Variants in CDK14 observed in about 807,000 individuals in gnomAD.
The protein encoded by CDK14 is cyclin-dependent kinase 14.
A neutral mutation model predicts 60.7 loss-of-function variants in CDK14; 34 were observed. The ratio of observed to expected loss-of-function variants is 0.56; its 90% CI spans 0.43 to 0.75. CDK14 has a LOEUF of 0.75. Ranked by LOEUF, CDK14 falls within the 30% of genes least tolerant of loss-of-function variation. The pLI, the probability that CDK14 is intolerant of heterozygous loss-of-function variation, is 0.00. For missense variants in CDK14, 482 were observed against 564.1 expected (o/e 0.85, Z 1.47); for synonymous variants, 197 against 203.7 (o/e 0.97, Z 0.28).
intron 3 of CDK14, among the ~76,000 whole-genome samples, chr7:90,733,072 T>C (rs1335896780): frequency 6.6e-6 from 1 of 152,222 alleles, no homozygotes; most frequent in African/African-American, 2.4e-5. Flanking sequence ...AGAACATCTT[T>C]ATTTCTGCCT....
intron 11 of CDK14, among the ~76,000 whole-genome samples, chr7:91,058,704 A>G (rs1797670576): frequency 2.0e-5 from 3 of 152,194 alleles, no homozygotes; most frequent in African/African-American, 7.2e-5. Context: ...GCTGGATTAC[A>G]TTTATTGATT....
intron 10 of CDK14, among the ~76,000 whole-genome samples, chr7:91,001,759 A>G (rs1584217899): frequency 6.6e-6 from 1 of 152,188 alleles, no homozygotes; most frequent in African/African-American, 2.4e-5. Context: ...TGAGCCTAGC[A>G]CCCTGTGTGC....
intron 2 of CDK14, among the ~76,000 whole-genome samples, chr7:90,681,893 CA>C (rs907339819): frequency 6.6e-6 from 1 of 152,128 alleles, no homozygotes; most frequent in African/African-American, 2.4e-5. Context: ...CACTGCATTT[CA>C]AAAGATACTT....
At chr7:91,082,269 ACAG>A (rs1798503308) in intron 12 of CDK14, among the ~76,000 whole-genome samples, 1 of 152,218 alleles carries the variant, frequency 6.6e-6, no homozygotes, top group African/African-American at 2.4e-5. Context: ...GAACTTTTAA[ACAG>A]CTGAATGATT....
chr7:90,707,973 TG>T (rs1554438048), intron 2 of CDK14, among the ~76,000 whole-genome samples: 1 of 152,154 alleles, frequency 6.6e-6, no homozygotes, highest in Non-Finnish European at 1.5e-5. Flanking sequence ...AATGAATAGA[TG>T]AAAGATTAAA....
intron 4 of CDK14, among the ~76,000 whole-genome samples, chr7:90,761,902 T>C (rs1256968877): frequency 6.6e-6 from 1 of 152,166 alleles, no homozygotes. Context: ...TGTGTAGTGG[T>C]GAACAAAATT....
At chr7:91,187,909 G>A (rs953119063) in intron 14 of CDK14, among the ~76,000 whole-genome samples, 1 of 152,154 alleles carries the variant, frequency 6.6e-6, no homozygotes, top group Non-Finnish European at 1.5e-5. Context: ...CAGTACGCAC[G>A]GTTTAGCAAA....
At chr7:91,201,620 C>A (rs1353705944) in intron 14 of CDK14, among the ~76,000 whole-genome samples, 1 of 152,168 alleles carries the variant, frequency 6.6e-6, no homozygotes. Context: ...CTGATCACAT[C>A]GAAGCACACT....
chr7:90,981,253 A>G (rs17479541), intron 9 of CDK14, among the ~76,000 whole-genome samples: 6,202 of 152,354 alleles, frequency 0.041, 155 homozygotes, highest in South Asian at 0.071. Flanking sequence ...AAGCCCTAAT[A>G]TTTATAAGCA....
chr7:90,639,023 T>G (rs1800242381), intron 2 of CDK14, among the ~76,000 whole-genome samples: 1 of 152,168 alleles, frequency 6.6e-6, no homozygotes, highest in South Asian at 2.1e-4. Flanking sequence ...ATTCTAGTTA[T>G]ACATTCATCT....
chr7:90,665,369 G>C (rs1800955534), intron 2 of CDK14, among the ~76,000 whole-genome samples: 1 of 152,144 alleles, frequency 6.6e-6, no homozygotes, highest in South Asian at 2.1e-4. Context: ...TCTATGGCAG[G>C]TACTGTGCTG....
intron 5 of CDK14, among the ~76,000 whole-genome samples, chr7:90,823,129 A>G (rs4728938): frequency 0.033 from 5,089 of 152,222 alleles, 121 homozygotes; most frequent in South Asian, 0.099. Context: ...TGGTGGTTCT[A>G]GGGAGGACTT....
intron 2 of CDK14, among the ~76,000 whole-genome samples, chr7:90,703,261 C>T (rs1329749043): frequency 6.6e-6 from 1 of 152,142 alleles, no homozygotes; most frequent in Non-Finnish European, 1.5e-5. Context: ...TCACATTTCT[C>T]AGATCATATT....
intron 6 of CDK14, among the ~76,000 whole-genome samples, chr7:90,889,215 A>G (rs1241853619): frequency 6.6e-6 from 1 of 152,242 alleles, no homozygotes; most frequent in Non-Finnish European, 1.5e-5. Context: ...ACCACTTCAG[A>G]CACTTGAACT....
At chr7:90,930,211 T>A (rs991941493) in intron 8 of CDK14, among the ~76,000 whole-genome samples, 5 of 152,186 alleles carry the variant, frequency 3.3e-5, no homozygotes, top group African/African-American at 1.2e-4. Context: ...TATGCATAAA[T>A]GAAGGAGTAT....
chr7:90,870,361 G>A (rs948957351), intron 6 of CDK14, among the ~76,000 whole-genome samples: 3 of 152,166 alleles, frequency 2.0e-5, no homozygotes, highest in Non-Finnish European at 2.9e-5. Context: ...GCTGGGAGAA[G>A]GGAGAGGATG....
chr7:90,637,138 G>T (rs1189334627), intron 2 of CDK14, among the ~76,000 whole-genome samples: 2 of 151,882 alleles, frequency 1.3e-5, no homozygotes, highest in Non-Finnish European at 2.9e-5. Context: ...ATTTCCTTCA[G>T]TTCTGCTCTG....
intron 6 of CDK14, among the ~76,000 whole-genome samples, chr7:90,876,080 C>T (rs1791549588): frequency 6.6e-6 from 1 of 152,050 alleles, no homozygotes; most frequent in South Asian, 2.1e-4. Context: ...AGGCTTTGGC[C>T]AGATAGCTGG....
intron 8 of CDK14, among the ~76,000 whole-genome samples, chr7:90,935,429 G>A (rs1049366940): frequency 2.6e-5 from 4 of 152,092 alleles, no homozygotes; most frequent in Admixed American, 2.0e-4. Flanking sequence ...TAAATTCAAG[G>A]CAAATTTTTA....
Sources: allele counts gnomAD v4.1 joint callset (sites outside exome capture counted in the v4.1 genomes callset), GRCh38; gene constraint gnomAD v4.1.1; transcripts MANE v1.5; gene names NCBI Gene and HGNC (gene_info 2026-07-23, HGNC 2026-07-21).